The following TRPC5 variants were observed in gnomAD, a reference collection of about 807,000 sequenced individuals.
TRPC5 encodes transient receptor potential cation channel subfamily C member 5.
TRPC5 carries 9 observed loss-of-function variants against 56.5 expected under a neutral mutation model. The ratio of observed to expected loss-of-function variants is 0.16; its 90% CI spans 0.10 to 0.28. TRPC5 has a LOEUF of 0.28. Ranked by LOEUF, TRPC5 falls within the 10% of genes least tolerant of loss-of-function variation. The pLI, the probability that TRPC5 is intolerant of heterozygous loss-of-function variation, is 1.00. For missense variants in TRPC5, 469 were observed against 748.9 expected (o/e 0.63, Z 4.36); for synonymous variants, 282 against 278.5 (o/e 1.01, Z -0.13).
rs372459592 is a variant in TRPC5, at chrX:111,960,388, A to G, written c.-21-7947T>C. ...AGGGGAGGTTTGTATAACCACTGAC[A>G]TCTGGATGAAATCAATATATTTTAT... On this transcript the variant is annotated intron_variant, in intron 1 of 10. Transcript: ENST00000262839. Among the ~76,000 whole-genome samples, 23 of 112,469 alleles carry G rather than the reference A, an allele frequency of 2.0e-4. No individual in the cohort carries two copies. The East Asian group carries it at 4.7e-3, about 23-fold the overall frequency.
intron 1 of TRPC5, among the ~76,000 whole-genome samples, chrX:111,989,822 A>G (rs780653321): frequency 1.8e-5 from 2 of 112,539 alleles, no homozygotes; most frequent in Non-Finnish European, 3.7e-5. Context: ...TGCATACTGT[A>G]TGATATCTTT....
At chrX:112,058,464 T>C (rs1930388516) in intron 1 of TRPC5, among the ~76,000 whole-genome samples, 1 of 110,679 alleles carries the variant, frequency 9.0e-6, no homozygotes, top group African/African-American at 3.4e-5. Context: ...TCCATGCCTC[T>C]GGTGTCATAG....
chrX:111,854,382 G>T (rs16986650), intron 3 of TRPC5, among the ~76,000 whole-genome samples: 12,560 of 110,929 alleles, frequency 0.11, 1,682 homozygotes, highest in African/African-American at 0.38. Context: ...CCTTCCTATT[G>T]TCCCTCCCAC....
intron 3 of TRPC5, among the ~76,000 whole-genome samples, chrX:111,871,889 C>T (rs1037451451): frequency 3.6e-5 from 4 of 111,694 alleles, no homozygotes; most frequent in Non-Finnish European, 5.6e-5. Context: ...GGTGTAATCC[C>T]TTATGAATGG....
chrX:112,019,873 A>G (rs185772374), intron 1 of TRPC5, among the ~76,000 whole-genome samples: 20 of 111,309 alleles, frequency 1.8e-4, no homozygotes, highest in Admixed American at 1.4e-3. Flanking sequence ...TGGAAAATGG[A>G]GCATTTGAGA....
At chrX:112,000,638 G>A (rs1164611882) in intron 1 of TRPC5, among the ~76,000 whole-genome samples, 2 of 111,746 alleles carry the variant, frequency 1.8e-5, no homozygotes, top group African/African-American at 3.3e-5. Flanking sequence ...TTGTTGCGAC[G>A]ATTAGATGAT....
intron 1 of TRPC5, among the ~76,000 whole-genome samples, chrX:111,954,437 G>T (rs1463014478): frequency 8.9e-6 from 1 of 111,908 alleles, no homozygotes; most frequent in Non-Finnish European, 1.9e-5. Context: ...AATTAAACAT[G>T]AAAGTGTGGG....
chrX:112,041,613 CTGCTATA>C (rs1929893778), intron 1 of TRPC5, among the ~76,000 whole-genome samples: 1 of 111,706 alleles, frequency 9.0e-6, no homozygotes, highest in Non-Finnish European at 1.9e-5. Flanking sequence ...ATCCTTAAAA[CTGCTATA>C]CTCTACTGAC....
chrX:112,005,021 A>C (rs1928797206), intron 1 of TRPC5, among the ~76,000 whole-genome samples: 1 of 111,699 alleles, frequency 9.0e-6, no homozygotes, highest in East Asian at 2.8e-4. Context: ...TGTCAATGTT[A>C]CCAGCTTCAT....
intron 2 of TRPC5, among the ~76,000 whole-genome samples, chrX:111,950,466 G>A (rs1238824329): frequency 1.8e-5 from 2 of 112,239 alleles, no homozygotes; most frequent in Non-Finnish European, 3.8e-5. Flanking sequence ...CTATAAGGAT[G>A]CAAAGGCATA....
At chrX:112,039,131 G>T (rs1272468948) in intron 1 of TRPC5, among the ~76,000 whole-genome samples, 1 of 111,512 alleles carries the variant, frequency 9.0e-6, no homozygotes, top group Non-Finnish European at 1.9e-5. Context: ...GTTCAGAAAG[G>T]TGAAGGGTCA....
chrX:112,051,536 G>A (rs1471817415), intron 1 of TRPC5, among the ~76,000 whole-genome samples: 1 of 111,372 alleles, frequency 9.0e-6, no homozygotes, highest in Non-Finnish European at 1.9e-5. Flanking sequence ...GAACACAAAA[G>A]CCTAATGCTC....
chrX:111,940,051 C>T (rs1443671682), intron 2 of TRPC5, among the ~76,000 whole-genome samples: 1 of 111,357 alleles, frequency 9.0e-6, no homozygotes, highest in Non-Finnish European at 1.9e-5. Flanking sequence ...TAGTGCCTTC[C>T]TTGTATCCTA....
intron 7 of TRPC5, among the ~76,000 whole-genome samples, chrX:111,823,618 G>C (rs977165710): frequency 4.5e-5 from 5 of 111,252 alleles, no homozygotes; most frequent in African/African-American, 1.6e-4. Context: ...CTGGTTGTGT[G>C]AAGTCTGCTG....
intron 3 of TRPC5, among the ~76,000 whole-genome samples, chrX:111,875,812 G>T (rs889333699): frequency 9.1e-6 from 1 of 109,368 alleles, no homozygotes; most frequent in East Asian, 2.9e-4. Context: ...ACTCCTTTAG[G>T]GTAGCAACCA....
At chrX:112,075,817 T>C (rs985102065) in intron 1 of TRPC5, among the ~76,000 whole-genome samples, 1 of 111,634 alleles carries the variant, frequency 9.0e-6, no homozygotes, top group Non-Finnish European at 1.9e-5. Context: ...TTAGGAATGA[T>C]AGCCACCAAA....
intron 1 of TRPC5, among the ~76,000 whole-genome samples, chrX:111,987,108 G>A (rs1928232159): frequency 8.9e-6 from 1 of 111,767 alleles, no homozygotes; most frequent in African/African-American, 3.2e-5. Flanking sequence ...TTGATTAGGA[G>A]TATTCAATAT....
At chrX:112,079,879 C>T (rs1279316877) in intron 1 of TRPC5, among the ~76,000 whole-genome samples, 1 of 111,176 alleles carries the variant, frequency 9.0e-6, no homozygotes, top group Non-Finnish European at 1.9e-5. Flanking sequence ...CCTGGGTAAC[C>T]ATCAGGACTT....
intron 7 of TRPC5, among the ~76,000 whole-genome samples, chrX:111,804,229 T>C (rs1043722970): frequency 5.3e-5 from 6 of 112,249 alleles, no homozygotes; most frequent in African/African-American, 1.9e-4. Context: ...TTGGTACCAG[T>C]GCTATGCTGT....
Sources: gnomAD v4.1 joint callset for allele counts (sites outside exome capture counted in the v4.1 genomes callset) on GRCh38, gnomAD v4.1.1 for gene constraint, MANE v1.5 for transcripts, NCBI Gene and HGNC (gene_info 2026-07-23, HGNC 2026-07-21) for gene names.